The following CSMD1 variants were observed in gnomAD, a reference collection of about 807,000 sequenced individuals.
The protein encoded by CSMD1 is CUB and sushi domain-containing protein 1.
In CSMD1, 213 loss-of-function variants were observed where a neutral mutation model predicts 417.5. The ratio of observed to expected loss-of-function variants is 0.51; its 90% CI spans 0.46 to 0.57. CSMD1 has a LOEUF of 0.57. Ranked by LOEUF, CSMD1 falls within the 20% of genes least tolerant of loss-of-function variation. CSMD1 has a pLI of 0.00. For synonymous variants in CSMD1, 2,862 were observed against 1,736.8 expected, an observed-to-expected ratio of 1.65 and a Z score of -16.11; for missense variants, 6,923 against 4,529.7, an observed-to-expected ratio of 1.53 and a Z score of -15.17.
chr8:4,082,242 C>G (rs1012722715), intron 3 of CSMD1, among the ~76,000 whole-genome samples: 13 of 152,142 alleles, frequency 8.5e-5, no homozygotes, highest in East Asian at 3.9e-4. Flanking sequence ...TGGACAAAGT[C>G]CTAGAAAATT....
intron 42 of CSMD1, among the ~76,000 whole-genome samples, chr8:3,114,811 T>C (rs564879276): frequency 1.3e-5 from 2 of 152,314 alleles, no homozygotes; most frequent in East Asian, 3.9e-4. Context: ...AATAATACAT[T>C]GTTTAGCTGC....
At position 3,922,737 on chromosome 8, in the gene CSMD1, A is replaced by G. The variant is rs370279379; in HGVS notation, c.818+75166T>C. ...TACATCTTTTTTATATTTTGTATTT[A>G]TTAACCAATTATTGTAGGTATGGTT... is the stretch of plus-strand genomic sequence containing the variant. On this transcript the variant is annotated intron_variant, in intron 5 of 69. Transcript: ENST00000635120. 1.0e-3 allele frequency among the ~76,000 whole-genome samples: 156 copies of G among 152,206 alleles called. 1 individual carries two copies. The East Asian group carries it at 0.018, about 18-fold the overall frequency.
chr8:3,603,692 G>A (rs960554132), intron 8 of CSMD1, among the ~76,000 whole-genome samples: 41 of 152,248 alleles, frequency 2.7e-4, no homozygotes, highest in African/African-American at 8.9e-4. Context: ...ATTCCCTCTT[G>A]TATTCATTAT....
intron 5 of CSMD1, among the ~76,000 whole-genome samples, chr8:3,845,956 G>T (rs1479589875): frequency 3.3e-5 from 5 of 151,686 alleles, no homozygotes; most frequent in Non-Finnish European, 7.4e-5. Context: ...CCCACTGCAG[G>T]CTCCTCAGGG....
At chr8:4,352,718 G>C (rs1016053314) in intron 3 of CSMD1, among the ~76,000 whole-genome samples, 12 of 152,166 alleles carry the variant, frequency 7.9e-5, no homozygotes, top group African/African-American at 2.7e-4. Flanking sequence ...ACACAAATAA[G>C]AACCCTCTGT....
chr8:4,506,655 A>C (rs188704258), intron 2 of CSMD1, among the ~76,000 whole-genome samples: 254 of 152,252 alleles, frequency 1.7e-3, no homozygotes, highest in African/African-American at 5.7e-3. Context: ...AAGACCCTAT[A>C]ATTTCAGTGT....
chr8:4,422,767 G>C (rs969837039), intron 2 of CSMD1, among the ~76,000 whole-genome samples: 2 of 152,048 alleles, frequency 1.3e-5, no homozygotes, highest in African/African-American at 4.8e-5. Context: ...CATGCATATA[G>C]ATGCAAAAAT....
intron 4 of CSMD1, among the ~76,000 whole-genome samples, chr8:4,022,205 T>A (rs1055641311): frequency 1.4e-5 from 2 of 147,182 alleles, no homozygotes; most frequent in African/African-American, 5.0e-5. Flanking sequence ...TATATAACAA[T>A]AGCATTGTTA....
At chr8:3,223,182 AG>A (rs1418331070) in intron 28 of CSMD1, among the ~76,000 whole-genome samples, 1 of 152,242 alleles carries the variant, frequency 6.6e-6, no homozygotes, top group Non-Finnish European at 1.5e-5. Context: ...CTACAGTATT[AG>A]ACCTTCCATC....
intron 50 of CSMD1, among the ~76,000 whole-genome samples, chr8:3,031,860 T>C (rs1356695928): frequency 1.9e-5 from 2 of 104,774 alleles, no homozygotes; most frequent in African/African-American, 7.7e-5. Context: ...TTTGCTCACA[T>C]CTCTCTTTTT....
At chr8:4,349,146 G>A (rs527930793) in intron 3 of CSMD1, among the ~76,000 whole-genome samples, 1 of 152,200 alleles carries the variant, frequency 6.6e-6, no homozygotes, top group African/African-American at 2.4e-5. Context: ...CGAATACAGA[G>A]CTTGCATATG....
Position 3,958,821 on chromosome 8 carries a change from A to T in CSMD1, c.818+39082T>A, listed in dbSNP as rs140119782. 1.0e-3 allele frequency among the ~76,000 whole-genome samples: 154 copies of T among 152,282 alleles called. 1 individual carries two copies. In the South Asian group the frequency reaches 0.019, roughly 19 times the overall value. ...TTTATCTATGATACACATCAGGAGG[A>T]TCTGCAGAGGAAATTGTGTAGTAGG... On this transcript the variant is annotated intron_variant, in intron 5 of 69. Transcript: ENST00000635120.
intron 3 of CSMD1, among the ~76,000 whole-genome samples, chr8:4,193,562 G>A (rs1173628466): frequency 6.6e-6 from 1 of 152,038 alleles, no homozygotes; most frequent in Non-Finnish European, 1.5e-5. Flanking sequence ...GAGGCTGTGG[G>A]AAAACAAATG....
At chr8:3,694,940 G>A (rs2129034465) in intron 7 of CSMD1, among the ~76,000 whole-genome samples, 1 of 152,150 alleles carries the variant, frequency 6.6e-6, no homozygotes, top group East Asian at 1.9e-4. Context: ...TAGCTTGCCA[G>A]TTCAGTATGT....
chr8:3,529,830 T>A (rs1207106588), intron 10 of CSMD1, among the ~76,000 whole-genome samples: 4 of 152,186 alleles, frequency 2.6e-5, no homozygotes, highest in African/African-American at 4.8e-5. Flanking sequence ...CAGTGATCTG[T>A]AAGCCTACAT....
intron 23 of CSMD1, among the ~76,000 whole-genome samples, chr8:3,321,400 G>A (rs117655253): frequency 0.015 from 2,268 of 152,212 alleles, 27 homozygotes; most frequent in Non-Finnish European, 0.021. Flanking sequence ...GGCTGCAGCT[G>A]TCCTACCCTA....
chr8:3,558,733 G>A (rs1206994696), intron 10 of CSMD1, among the ~76,000 whole-genome samples: 2 of 150,306 alleles, frequency 1.3e-5, no homozygotes, highest in Admixed American at 6.6e-5. Flanking sequence ...AGTACCCCGT[G>A]TTCACTCCTC....
intron 12 of CSMD1, among the ~76,000 whole-genome samples, chr8:3,411,342 T>G (rs1032128700): frequency 2.5e-4 from 38 of 150,860 alleles, no homozygotes; most frequent in Middle Eastern, 3.4e-3. Flanking sequence ...TATTTTTTAG[T>G]AACCTAACTA....
chr8:3,888,678 G>C (rs879274557), intron 5 of CSMD1, among the ~76,000 whole-genome samples: 1 of 152,148 alleles, frequency 6.6e-6, no homozygotes, highest in Non-Finnish European at 1.5e-5. Context: ...CACTGAGAGA[G>C]AAAGAGGCTG....
Sources: allele counts gnomAD v4.1 joint callset (sites outside exome capture counted in the v4.1 genomes callset), GRCh38; gene constraint gnomAD v4.1.1; transcripts MANE v1.5; gene names NCBI Gene and HGNC (gene_info 2026-07-23, HGNC 2026-07-21).